TSHR: variants seen among roughly 807,000 people sequenced by gnomAD.
TSHR encodes the protein thyroid stimulating hormone receptor, also known as thyrotropin receptor.
TSHR carries 51 observed loss-of-function variants against 64.1 expected under a neutral mutation model. The ratio of observed to expected loss-of-function variants is 0.80; its 90% CI spans 0.64 to 1.01. The LOEUF is 1.01. TSHR is among the 50% of genes least tolerant of loss of function. The pLI, the probability that TSHR is intolerant of heterozygous loss-of-function variation, is 0.00. For missense variants in TSHR, 877 were observed against 942.8 expected, an observed-to-expected ratio of 0.93 and a Z score of 0.91; for synonymous variants, 361 against 361.9, an observed-to-expected ratio of 1.00 and a Z score of 0.03.
chr14:81,032,975 G>A (rs1884426605), intron 1 of TSHR: 1 of 350,372 alleles, frequency 2.9e-6, no homozygotes, highest in South Asian at 3.1e-5. Flanking sequence ...AAAACAAAAG[G>A]TGCACCAAAA....
Position 81,145,951 on chromosome 14 carries a change from C to T in TSHR, c.*1598C>T, listed in dbSNP as rs528482720. On this transcript the variant is annotated 3_prime_UTR_variant, in exon 10 of 10. Coordinates refer to ENST00000298171, the MANE Select transcript of TSHR (RefSeq NM_000369.5). ...GATTGTGAAGTGTCGTTAATGGGTCCCCACAGATGGTCCCTGCTGGACTCA... is the reference window on the plus strand; with the variant it reads ...GATTGTGAAGTGTCGTTAATGGGTCTCCACAGATGGTCCCTGCTGGACTCA... 8.6e-6 allele frequency: 2 copies of T among 232,106 alleles called. No individual in the cohort carries two copies. The highest frequency in any genetic ancestry group is 8.5e-6 in the Non-Finnish European group (1 of 117,432). The allele number at this position is 232,106 out of a possible 1,614,324, so 14.4% of individuals were successfully genotyped here. A position where few individuals can be genotyped will look rare whatever the true frequency, so the allele number is the denominator to read the frequency against.
In TSHR at chr14:80,955,811, T is replaced by G. The variant is rs1886639507; in HGVS notation, c.131T>G (p.Ile44Ser). 1 of 1,614,198 alleles carries G rather than the reference T, an allele frequency of 6.2e-7. No homozygotes were observed. The highest frequency in any genetic ancestry group is 8.5e-7 in the Non-Finnish European group (1 of 1,180,038). The change falls in exon 1 of 10, where the codon ATT becomes AGT. Residue 44 changes from isoleucine to serine, a missense_variant. Physicochemically the swap from Ile to Ser is moderately radical, Grantham distance 142. Transcript: ENST00000298171. The part of the protein sequence containing the change: ...EEDFRVTCKD[I>S]QRIPSLPPST... Reference sequence around the variant, plus strand: ...GACTTCAGAGTCACCTGCAAGGATATTCAACGCATCCCCAGCTTACCGCCC... The same window carrying G: ...GACTTCAGAGTCACCTGCAAGGATAGTCAACGCATCCCCAGCTTACCGCCC...
intron 1 of TSHR, among the ~76,000 whole-genome samples, chr14:81,044,929 A>G (rs994022220): frequency 6.6e-6 from 1 of 152,204 alleles, no homozygotes; most frequent in African/African-American, 2.4e-5. Context: ...AAATCATTCT[A>G]TTACAAAGAT....
At chr14:81,054,782 C>G (rs1260806145) in intron 1 of TSHR, among the ~76,000 whole-genome samples, 1 of 152,028 alleles carries the variant, frequency 6.6e-6, no homozygotes, top group Non-Finnish European at 1.5e-5. Context: ...TCAAAGCATT[C>G]AAGATGTGAC....
chr14:81,092,812 G>T (rs1263998964), intron 6 of TSHR, among the ~76,000 whole-genome samples: 2 of 152,166 alleles, frequency 1.3e-5, no homozygotes, highest in African/African-American at 2.4e-5. Context: ...AAGACAAGAG[G>T]ATTCCATTAC....
At chr14:81,113,959 G>C (rs1890349281) in intron 8 of TSHR, among the ~76,000 whole-genome samples, 1 of 151,916 alleles carries the variant, frequency 6.6e-6, no homozygotes, top group African/African-American at 2.4e-5. Flanking sequence ...AGCACAGTTG[G>C]GGTTAGAAGG....
chr14:81,143,594 G>A lies in TSHR; in HGVS notation c.1536G>A (p.Leu512=), dbSNP rs1379655068. The A allele has an allele frequency of 1.9e-6, 3 of 1,613,462 alleles. No homozygotes were observed. The highest frequency in any genetic ancestry group is 2.5e-6 in the Non-Finnish European group (3 of 1,180,036). Residue 512 remains leucine (L), a synonymous_variant, in exon 10 of 10, where the codon CTG becomes CTA. Coordinates refer to ENST00000298171, the MANE Select transcript of TSHR (RefSeq NM_000369.5). Reference sequence around the variant, plus strand: ...CAAGCGAGTTATCGGTGTATACGCTGACGGTCATCACCCTGGAGCGCTGGT... The same window carrying A: ...CAAGCGAGTTATCGGTGTATACGCTAACGGTCATCACCCTGGAGCGCTGGT... ...VFASELSVYT[L]TVITLERWYA...
rs192479596 is a variant in TSHR at position 80,968,854 on chromosome 14, C to T, written c.170+13004C>T. Among the ~76,000 whole-genome samples the T allele has an allele frequency of 3.6e-3, 543 of 152,224 alleles. 16 individuals carry two copies. The Middle Eastern group carries it at 0.048, about 13-fold the overall frequency. On this transcript the variant is annotated intron_variant, in intron 1 of 9. Transcript: ENST00000298171. ...CTCAATAGAGAAACTCCTTTATTTA[C>T]CTATTTGTCCTCTAGCATGAGAAGC...
chr14:80,981,486 G>C (rs7147838), intron 1 of TSHR, among the ~76,000 whole-genome samples: 8,636 of 152,134 alleles, frequency 0.057, 782 homozygotes, highest in African/African-American at 0.2. Context: ...GGCCCTGGGC[G>C]TGTGGAGGCT....
At position 81,062,207 on chromosome 14, in the gene TSHR, A is replaced by C; in HGVS notation, c.230A>C (p.Asn77Thr). 1 of 1,611,048 alleles carries C rather than the reference A, an allele frequency of 6.2e-7. No individual in the cohort carries two copies. Among genetic ancestry groups the C allele is most frequent in the Non-Finnish European group, 8.5e-7 (1 of 1,178,192 alleles). The change falls in exon 2 of 10, where the codon AAT becomes ACT. Residue 77 changes from asparagine to threonine, a missense_variant. By Grantham distance (65) the Asn-to-Thr change is moderately conservative. Coordinates refer to ENST00000298171, the MANE Select transcript of TSHR (RefSeq NM_000369.5). ...AGTCATGCATTTTCTAATCTGCCCA[A>C]TATTTCCAGAATGTAAGTTTTTTTA... is the stretch of plus-strand genomic sequence containing the variant. ...IPSHAFSNLP[N>T]ISRIYVSIDV...
At chr14:80,974,537 T>C (rs1362777244) in intron 1 of TSHR, among the ~76,000 whole-genome samples, 1 of 152,156 alleles carries the variant, frequency 6.6e-6, no homozygotes, top group Non-Finnish European at 1.5e-5. Context: ...CAAATTGCCA[T>C]TTCACAACCA....
chr14:81,114,481 A>G (rs1566821934), intron 8 of TSHR, among the ~76,000 whole-genome samples: 1 of 152,228 alleles, frequency 6.6e-6, no homozygotes, highest in Non-Finnish European at 1.5e-5. Flanking sequence ...CGGGCTTAAA[A>G]AACGGCGCAC....
chr14:80,969,533 C>A (rs1887490832), intron 1 of TSHR, among the ~76,000 whole-genome samples: 1 of 152,120 alleles, frequency 6.6e-6, no homozygotes, highest in Admixed American at 6.5e-5. Context: ...AGAAATGTGC[C>A]TTACCAAGGG....
At chr14:81,086,713 A>G (rs1186142861) in intron 3 of TSHR, among the ~76,000 whole-genome samples, 1 of 152,212 alleles carries the variant, frequency 6.6e-6, no homozygotes, top group East Asian at 1.9e-4. Flanking sequence ...CCAAGACTCT[A>G]TTTCGAGTCC....
rs1450805559 is a variant in TSHR at position 81,116,549 on chromosome 14, C to T, written c.692+8097C>T. On this transcript the variant is annotated intron_variant, in intron 8 of 9. Transcript: ENST00000298171. ...CATAAAGCAAGTCCTGAGTGACCTA[C>T]AAAGAGACTTAGACTCCCACACATT... is the stretch of plus-strand genomic sequence containing the variant. Among the ~76,000 whole-genome samples, 4 of 140,844 alleles carry T rather than the reference C, an allele frequency of 2.8e-5. No individual in the cohort carries two copies. In the East Asian group the frequency reaches 9.1e-4, roughly 32 times the overall value. The allele number at this position is 140,844 out of a possible 152,430, so 92.4% of individuals were successfully genotyped here.
intron 1 of TSHR, among the ~76,000 whole-genome samples, chr14:81,030,510 CTCTT>C (rs2139820078): frequency 6.6e-6 from 1 of 152,078 alleles, no homozygotes; most frequent in East Asian, 1.9e-4. Flanking sequence ...CTTTTTTTCT[CTCTT>C]TCAATGAATT....
intron 8 of TSHR, among the ~76,000 whole-genome samples, chr14:81,114,421 C>A (rs12586613): frequency 2.0e-5 from 3 of 152,098 alleles, no homozygotes. Context: ...GGGTGACAGA[C>A]GGCAACTGGA....
chr14:81,057,683 C>T (rs1458403753), intron 1 of TSHR, among the ~76,000 whole-genome samples: 1 of 152,122 alleles, frequency 6.6e-6, no homozygotes, highest in Admixed American at 6.6e-5. Context: ...ACAAGAGGCC[C>T]TTAAGATGAA....
intron 1 of TSHR, among the ~76,000 whole-genome samples, chr14:80,975,309 T>C (rs1887811448): frequency 6.6e-6 from 1 of 152,218 alleles, no homozygotes; most frequent in South Asian, 2.1e-4. Context: ...ACACCCATCC[T>C]TTTCTTCTCC....
Sources: gnomAD v4.1 joint callset for allele counts (sites outside exome capture counted in the v4.1 genomes callset) on GRCh38, gnomAD v4.1.1 for gene constraint, MANE v1.5 for transcripts, NCBI Gene and HGNC (gene_info 2026-07-23, HGNC 2026-07-21) for gene names.